Variants in DLGAP2 observed in about 807,000 individuals in gnomAD.
DLGAP2 encodes DLG associated protein 2.
DLGAP2 carries 26 observed loss-of-function variants against 100.3 expected under a neutral mutation model. That is an observed-to-expected ratio of 0.26 (90% CI 0.19 to 0.36). DLGAP2 has a LOEUF of 0.36. Among genes scored for constraint, DLGAP2 ranks in the 10% least tolerant of loss-of-function variants. DLGAP2 has a pLI of 1.00. For missense variants in DLGAP2, 1,858 were observed against 1,453.2 expected (o/e 1.28, Z -4.53); for synonymous variants, 886 against 630.1 (o/e 1.41, Z -6.08).
intron 3 of DLGAP2, among the ~76,000 whole-genome samples, chr8:1,459,784 C>G (rs1210858049): frequency 6.8e-6 from 1 of 145,998 alleles, no homozygotes; most frequent in South Asian, 2.2e-4. Flanking sequence ...CTCCCAGGTT[C>G]AAGCAATTAT....
At chr8:1,560,293 C>T (rs1802115521) in intron 5 of DLGAP2, among the ~76,000 whole-genome samples, 1 of 152,192 alleles carries the variant, frequency 6.6e-6, no homozygotes, top group Admixed American at 6.5e-5. Context: ...AGCATCTTTT[C>T]ATCACTAAAT....
intron 2 of DLGAP2, among the ~76,000 whole-genome samples, chr8:1,235,713 G>C (rs1243864026): frequency 4.4e-5 from 1 of 22,574 alleles, no homozygotes; most frequent in African/African-American, 2.7e-4. Flanking sequence ...ACATGGCGCC[G>C]TATCTAGTTC....
At chr8:864,670 G>A (rs781127923) in intron 1 of DLGAP2, among the ~76,000 whole-genome samples, 2 of 152,104 alleles carry the variant, frequency 1.3e-5, no homozygotes, top group African/African-American at 2.4e-5. Context: ...GACAGTCACC[G>A]GTGCACTTTC....
At chr8:1,407,961 G>A (rs566074844) in intron 3 of DLGAP2, among the ~76,000 whole-genome samples, 2 of 152,226 alleles carry the variant, frequency 1.3e-5, no homozygotes, top group African/African-American at 4.8e-5. Flanking sequence ...CTTGTTGGGG[G>A]TTGGGGTGGG....
chr8:840,797 C>T (rs371497323), intron 1 of DLGAP2, among the ~76,000 whole-genome samples: 2 of 152,164 alleles, frequency 1.3e-5, no homozygotes, highest in South Asian at 2.1e-4. Flanking sequence ...CATGCCTGCA[C>T]GTCTCCCCAC....
At chr8:1,121,808 C>G (rs2129047725) in intron 2 of DLGAP2, among the ~76,000 whole-genome samples, 1 of 152,304 alleles carries the variant, frequency 6.6e-6, no homozygotes, top group East Asian at 1.9e-4. Context: ...GCCTCTCATC[C>G]TCATTCCTTT....
At chr8:1,328,172 C>T (rs1011715641) in intron 3 of DLGAP2, among the ~76,000 whole-genome samples, 19 of 150,894 alleles carry the variant, frequency 1.3e-4, no homozygotes, top group African/African-American at 2.7e-4. Context: ...CCCAAGTAGC[C>T]GGGACTACAG....
intron 1 of DLGAP2, among the ~76,000 whole-genome samples, chr8:897,544 C>A (rs1470655880): frequency 6.6e-6 from 1 of 152,210 alleles, no homozygotes; most frequent in Non-Finnish European, 1.5e-5. Context: ...ATCTAATAAA[C>A]ATGGGCGCCC....
At chr8:933,287 C>T (rs568686841) in intron 2 of DLGAP2, among the ~76,000 whole-genome samples, 36 of 152,394 alleles carry the variant, frequency 2.4e-4, no homozygotes, top group African/African-American at 7.7e-4. Context: ...GAACAAATGA[C>T]GGCCCTGGCC....
chr8:785,164 C>A (rs1487499154), intron 1 of DLGAP2, among the ~76,000 whole-genome samples: 1 of 129,876 alleles, frequency 7.7e-6, no homozygotes, highest in Admixed American at 9.2e-5. Flanking sequence ...TTGCAGTGAG[C>A]AGAGATCGTG....
intron 2 of DLGAP2, among the ~76,000 whole-genome samples, chr8:1,085,029 A>G (rs1292417331): frequency 1.3e-5 from 2 of 152,208 alleles, no homozygotes; most frequent in African/African-American, 4.8e-5. Context: ...AACTCTTGGT[A>G]TCTTTTGTCT....
intron 1 of DLGAP2, among the ~76,000 whole-genome samples, chr8:829,744 A>C (rs1286812188): frequency 6.6e-6 from 1 of 152,218 alleles, no homozygotes; most frequent in Non-Finnish European, 1.5e-5. Flanking sequence ...CATATTTTCT[A>C]TGTTCGTAGT....
chr8:1,389,933 C>A (rs920756114), intron 3 of DLGAP2, among the ~76,000 whole-genome samples: 7 of 151,894 alleles, frequency 4.6e-5, no homozygotes, highest in Non-Finnish European at 7.4e-5. Context: ...CCGCGGAGCA[C>A]CCAGCTCCGG....
At chr8:1,532,836 C>A (rs936964802) in intron 4 of DLGAP2, among the ~76,000 whole-genome samples, 4 of 152,118 alleles carry the variant, frequency 2.6e-5, no homozygotes, top group African/African-American at 9.7e-5. Context: ...GAATTGAACT[C>A]ACAAAAAGGC....
At chr8:883,678 G>A (rs1177334443) in intron 1 of DLGAP2, among the ~76,000 whole-genome samples, 2 of 151,978 alleles carry the variant, frequency 1.3e-5, no homozygotes, top group African/African-American at 2.4e-5. Flanking sequence ...CGCGTGTGCC[G>A]CGGCGGTTCG....
intron 3 of DLGAP2, among the ~76,000 whole-genome samples, chr8:1,297,744 T>C (rs61333720): frequency 0.013 from 924 of 72,842 alleles, 86 homozygotes; most frequent in African/African-American, 0.017. Flanking sequence ...ACAGACACCA[T>C]GTGAGACGGA....
intron 2 of DLGAP2, among the ~76,000 whole-genome samples, chr8:1,255,738 G>T (rs1207739652): frequency 7.0e-6 from 1 of 142,692 alleles, no homozygotes; most frequent in Non-Finnish European, 1.5e-5. Flanking sequence ...TCCTGCCCGA[G>T]CACTGTATGT....
At chr8:1,619,341 G>A (rs543426639) in intron 6 of DLGAP2, among the ~76,000 whole-genome samples, 5 of 152,186 alleles carry the variant, frequency 3.3e-5, no homozygotes, top group Non-Finnish European at 7.3e-5. Flanking sequence ...AAGAGGATAC[G>A]GGTGGAGGCC....
chr8:1,518,663 T>C (rs1800481275), intron 4 of DLGAP2, among the ~76,000 whole-genome samples: 1 of 152,226 alleles, frequency 6.6e-6, no homozygotes, highest in Non-Finnish European at 1.5e-5. Flanking sequence ...TGGTTCTCCC[T>C]GCCATGGACA....
Sources: gnomAD v4.1 joint callset for allele counts (sites outside exome capture counted in the v4.1 genomes callset) on GRCh38, gnomAD v4.1.1 for gene constraint, MANE v1.5 for transcripts, NCBI Gene and HGNC (gene_info 2026-07-23, HGNC 2026-07-21) for gene names.